Variants in ABLIM1 observed in about 807,000 individuals in gnomAD.
ABLIM1 encodes the protein actin binding LIM protein 1, also known as actin-binding LIM protein 1.
Under a neutral mutation model 107.0 loss-of-function variants are expected in ABLIM1, and 40 were observed. The ratio of observed to expected loss-of-function variants is 0.37; its 90% confidence interval spans 0.29 to 0.49. ABLIM1 has a LOEUF of 0.49. ABLIM1 is among the 20% of genes least tolerant of loss of function. ABLIM1 has a pLI of 0.97. For synonymous variants in ABLIM1, 357 were observed against 357.3 expected (o/e 1.00, Z 0.01); for missense variants, 857 against 1,008.5 (o/e 0.85, Z 2.04).
intron 1 of ABLIM1, among the ~76,000 whole-genome samples, chr10:114,722,520 G>A (rs1445045485): frequency 1.3e-5 from 2 of 152,216 alleles, no homozygotes; most frequent in South Asian, 2.1e-4. Flanking sequence ...AAAATAAAAT[G>A]CTAGAGATCC....
intron 6 of ABLIM1, among the ~76,000 whole-genome samples, chr10:114,543,786 G>A (rs1243579576): frequency 1.3e-5 from 2 of 152,192 alleles, no homozygotes; most frequent in Non-Finnish European, 2.9e-5. Context: ...CCCAACTGAC[G>A]TTTCTTATGT....
intron 1 of ABLIM1, among the ~76,000 whole-genome samples, chr10:114,656,532 C>T (rs183792808): frequency 1.5e-4 from 23 of 152,084 alleles, no homozygotes; most frequent in Admixed American, 9.8e-4. Context: ...TGTTCACACA[C>T]GCGTGTGTGA....
intron 1 of ABLIM1, among the ~76,000 whole-genome samples, chr10:114,720,638 T>A (rs571794765): frequency 1.3e-5 from 2 of 152,064 alleles, no homozygotes; most frequent in Non-Finnish European, 2.9e-5. Flanking sequence ...ACTTCCAGTA[T>A]CCTTTGAATC....
intron 1 of ABLIM1, among the ~76,000 whole-genome samples, chr10:114,635,349 T>G (rs1173564863): frequency 6.6e-6 from 1 of 152,212 alleles, no homozygotes; most frequent in Non-Finnish European, 1.5e-5. Flanking sequence ...AGGAGGGAAA[T>G]GTTACAGCTA....
chr10:114,663,075 C>T (rs1370294748), upstream of ABLIM1, among the ~76,000 whole-genome samples: 3 of 152,204 alleles, frequency 2.0e-5, no homozygotes, highest in Non-Finnish European at 4.4e-5. Flanking sequence ...TCTTTGTCAG[C>T]GGCCAAACCT....
intron 2 of ABLIM1, among the ~76,000 whole-genome samples, chr10:114,585,357 A>G (rs2074068442): frequency 1.3e-5 from 2 of 152,292 alleles, no homozygotes; most frequent in South Asian, 4.1e-4. Flanking sequence ...GGCACAAGAG[A>G]CAGCCCCAGC....
chr10:114,440,090 C>T lies in ABLIM1; in HGVS notation c.2060-1G>A. The T allele has an allele frequency of 1.2e-6, 2 of 1,613,354 alleles. No homozygotes were observed. Among genetic ancestry groups the T allele is most frequent in the Non-Finnish European group, 1.7e-6 (2 of 1,179,766 alleles). On this transcript the variant is annotated splice_acceptor_variant, in intron 19 of 22. Coordinates refer to ENST00000533213, the MANE Select transcript of ABLIM1 (RefSeq NM_002313.7). LOFTEE classifies it high-confidence loss of function. ...GACAAAGTGTTCCATACCTGGTAAT[C>T]TGAAAAGGAAAGGAAAAGAAAATAT...
the ABLIM1 span, chr10:114,778,526 C>T: frequency 6.6e-6 from 1 of 151,708 alleles, no homozygotes; most frequent in African/African-American, 2.4e-5. Flanking sequence ...TTCCTTACTT[C>T]CTCCGGCCAT....
In ABLIM1 at chr10:114,734,004, G is replaced by A. The variant is rs140905616; in HGVS notation, c.-213+34057C>T. The stretch of plus-strand genomic sequence containing the variant: ...GCCTGCCAAATAGCTAGGATTACAG[G>A]CGTGTGCCACCATGCCCGGCTGATT... On this transcript the variant is annotated intron_variant, in intron 1 of 15. Transcript: ENST00000651092. Among the ~76,000 whole-genome samples, 457 of 152,202 alleles carry A rather than the reference G, an allele frequency of 3.0e-3. 2 individuals carry two copies. The highest frequency in any genetic ancestry group is 0.011 in the African/African-American group (452 of 41,542).
intron 1 of ABLIM1, among the ~76,000 whole-genome samples, chr10:114,635,380 G>A (rs1411819571): frequency 6.6e-6 from 1 of 152,246 alleles, no homozygotes; most frequent in Admixed American, 6.5e-5. Context: ...ACCCGGCAGA[G>A]TCCACTTCCT....
chr10:114,648,679 G>A (rs117171298), intron 1 of ABLIM1, among the ~76,000 whole-genome samples: 1 of 152,324 alleles, frequency 6.6e-6, no homozygotes, highest in South Asian at 2.1e-4. Flanking sequence ...ATGTTATGGT[G>A]TACTACATTA....
chr10:114,621,558 A>G (rs2077465241), intron 1 of ABLIM1, among the ~76,000 whole-genome samples: 1 of 151,954 alleles, frequency 6.6e-6, no homozygotes, highest in East Asian at 1.9e-4. Flanking sequence ...AACCTACAGA[A>G]CTCCTCAAAT....
At chr10:114,705,102 G>A (rs986467085) in intron 1 of ABLIM1, among the ~76,000 whole-genome samples, 2 of 151,914 alleles carry the variant, frequency 1.3e-5, no homozygotes, top group Non-Finnish European at 2.9e-5. Flanking sequence ...CTCCAAGAGG[G>A]GCCTGAGAAG....
At chr10:114,650,330 A>G (rs1450274970) in intron 1 of ABLIM1, among the ~76,000 whole-genome samples, 2 of 152,252 alleles carry the variant, frequency 1.3e-5, no homozygotes, top group Admixed American at 1.3e-4. Flanking sequence ...TTTGAAAGTA[A>G]GCCACTCTTA....
intron 6 of ABLIM1, among the ~76,000 whole-genome samples, chr10:114,515,470 CGTGA>C (rs1277174080): frequency 6.6e-6 from 1 of 152,140 alleles, no homozygotes; most frequent in African/African-American, 2.4e-5. Flanking sequence ...AGAGTGAGTT[CGTGA>C]GTGTGAATGA....
chr10:114,521,791 A>C (rs2497708), intron 6 of ABLIM1, among the ~76,000 whole-genome samples: 92,540 of 151,842 alleles, frequency 0.61, 29,506 homozygotes, highest in African/African-American at 0.81. Flanking sequence ...ATATGATAGT[A>C]CCTGTCATAA....
chr10:114,666,739 C>T (rs2080042004), intron 1 of ABLIM1, among the ~76,000 whole-genome samples: 1 of 152,122 alleles, frequency 6.6e-6, no homozygotes, highest in Non-Finnish European at 1.5e-5. Flanking sequence ...GAAAGGGCTT[C>T]ATAAATGTTA....
chr10:114,665,008 T>C (rs937719501), intron 1 of ABLIM1, among the ~76,000 whole-genome samples: 1 of 151,732 alleles, frequency 6.6e-6, no homozygotes, highest in Non-Finnish European at 1.5e-5. Flanking sequence ...GTCCCAGCTA[T>C]TCGGGAGCTG....
chr10:114,501,016 G>A (rs2135561273), intron 6 of ABLIM1, among the ~76,000 whole-genome samples: 1 of 152,274 alleles, frequency 6.6e-6, no homozygotes, highest in Non-Finnish European at 1.5e-5. Context: ...TATGCCAACA[G>A]AAACCTCTAA....
Sources: allele counts gnomAD v4.1 joint callset (sites outside exome capture counted in the v4.1 genomes callset), GRCh38; gene constraint gnomAD v4.1.1; transcripts MANE v1.5; gene names NCBI Gene and HGNC (gene_info 2026-07-23, HGNC 2026-07-21).